TAFA1: variants seen among roughly 807,000 people sequenced by gnomAD.
TAFA1 encodes the protein TAFA chemokine like family member 1, also known as chemokine-like protein TAFA-1.
A neutral mutation model predicts 18.5 loss-of-function variants in TAFA1; 4 were observed. The observed-to-expected ratio is 0.22, with a 90% CI of 0.11 to 0.49. The LOEUF (loss-of-function observed/expected upper bound fraction) is 0.49. TAFA1 is among the 20% of genes least tolerant of loss of function. TAFA1 has a pLI of 0.98. For missense variants in TAFA1, 147 were observed against 169.0 expected (o/e 0.87, Z 0.72); for synonymous variants, 56 against 55.2 (o/e 1.01, Z -0.06).
At position 68,205,304 on chromosome 3, in the gene TAFA1, C is replaced by G. The variant is rs560654362; in HGVS notation, c.118+198560C>G. Among the ~76,000 whole-genome samples, 15 of 151,948 alleles carry G rather than the reference C, an allele frequency of 9.9e-5. No homozygotes were observed. In the East Asian group the frequency reaches 2.9e-3, roughly 30 times the overall value. ...GGTCCTGGTTATGTTCATTTCAGAA[C>G]CCCTCTTAACAGTGTCTCTTTTGCA... is the stretch of plus-strand genomic sequence containing the variant. On this transcript the variant is annotated intron_variant, in intron 2 of 4. Transcript: ENST00000478136.
chr3:68,263,629 CAA>C (rs67300246), intron 2 of TAFA1, among the ~76,000 whole-genome samples: 12,605 of 151,418 alleles, frequency 0.083, 659 homozygotes, highest in Middle Eastern at 0.12. Flanking sequence ...GCCACTTGCT[CAA>C]AGAGTTACAG....
chr3:68,424,895 A>G (rs1381998517), intron 3 of TAFA1, among the ~76,000 whole-genome samples: 3 of 151,976 alleles, frequency 2.0e-5, no homozygotes, highest in Admixed American at 6.6e-5. Flanking sequence ...ATTCCATGCA[A>G]TAGACTTGGG....
At chr3:68,072,485 G>GA (rs1235926812) in intron 2 of TAFA1, among the ~76,000 whole-genome samples, 1 of 152,200 alleles carries the variant, frequency 6.6e-6, no homozygotes, top group Non-Finnish European at 1.5e-5. Context: ...AATAAGACCA[G>GA]AGACAGGGTG....
chr3:68,389,214 A>C (rs2070172131), intron 2 of TAFA1, among the ~76,000 whole-genome samples: 1 of 152,206 alleles, frequency 6.6e-6, no homozygotes, highest in South Asian at 2.1e-4. Flanking sequence ...CTTGATTTAC[A>C]AATGATCGCA....
At chr3:68,525,788 T>G (rs1221971014) in intron 3 of TAFA1, among the ~76,000 whole-genome samples, 1 of 152,176 alleles carries the variant, frequency 6.6e-6, no homozygotes, top group African/African-American at 2.4e-5. Context: ...CCTGAAGATA[T>G]CAGTCTCCCC....
chr3:68,235,501 G>A (rs1419447482), intron 2 of TAFA1, among the ~76,000 whole-genome samples: 1 of 152,138 alleles, frequency 6.6e-6, no homozygotes, highest in East Asian at 1.9e-4. Context: ...TGCATTCCAG[G>A]TTCATACTTC....
At chr3:68,369,187 G>T (rs949289204) in intron 2 of TAFA1, among the ~76,000 whole-genome samples, 1 of 150,910 alleles carries the variant, frequency 6.6e-6, no homozygotes, top group Non-Finnish European at 1.5e-5. Context: ...GTTGGTGCAG[G>T]CACACACACA....
chr3:68,064,746 A>T (rs535081932), intron 2 of TAFA1, among the ~76,000 whole-genome samples: 1 of 151,852 alleles, frequency 6.6e-6, no homozygotes, highest in African/African-American at 2.4e-5. Flanking sequence ...TCTGCTTGAG[A>T]AGTATCCTAT....
rs1194887052 is a variant in TAFA1 at position 68,243,227 on chromosome 3, GTTAA to G, written c.119-174048_119-174045del. On this transcript the variant is annotated intron_variant, in intron 2 of 4. Coordinates refer to ENST00000478136, the MANE Select transcript of TAFA1 (RefSeq NM_213609.4). ...TACTCTTTGCACAGCCTCCTCCAGTGTTAATTAACATCATGCATAATACCAGTAT... is the reference window on the plus strand; with the variant it reads ...TACTCTTTGCACAGCCTCCTCCAGTGTTAACATCATGCATAATACCAGTAT... 9.9e-5 allele frequency among the ~76,000 whole-genome samples: 15 copies of G among 152,164 alleles called. 1 individual carries two copies. The highest frequency in any genetic ancestry group is 3.4e-4 in the African/African-American group (14 of 41,526).
chr3:68,153,896 G>A (rs980887489), intron 2 of TAFA1, among the ~76,000 whole-genome samples: 1 of 152,094 alleles, frequency 6.6e-6, no homozygotes, highest in African/African-American at 2.4e-5. Context: ...ACAAACTTAA[G>A]TGTGAGTTTC....
At chr3:68,479,895 CAA>C (rs986047159) in intron 3 of TAFA1, among the ~76,000 whole-genome samples, 7 of 151,962 alleles carry the variant, frequency 4.6e-5, no homozygotes, top group Non-Finnish European at 1.0e-4. Flanking sequence ...CACACACACA[CAA>C]ACACACACAT....
At chr3:68,340,215 T>G (rs1418015023) in intron 2 of TAFA1, among the ~76,000 whole-genome samples, 1 of 152,194 alleles carries the variant, frequency 6.6e-6, no homozygotes, top group African/African-American at 2.4e-5. Flanking sequence ...AGCCTATCAT[T>G]TGTTACCTGT....
intron 3 of TAFA1, among the ~76,000 whole-genome samples, chr3:68,506,083 T>TTC (rs2072746491): frequency 6.6e-6 from 1 of 151,654 alleles, no homozygotes; most frequent in African/African-American, 2.4e-5. Context: ...TGTTCCCCCC[T>TTC]CTGTGTCCAT....
At chr3:68,317,513 A>G (rs964740316) in intron 2 of TAFA1, among the ~76,000 whole-genome samples, 4 of 152,180 alleles carry the variant, frequency 2.6e-5, no homozygotes, top group Non-Finnish European at 5.9e-5. Context: ...GAAGTGACAC[A>G]CAACACTTCC....
At chr3:68,216,254 T>C (rs912207721) in intron 2 of TAFA1, among the ~76,000 whole-genome samples, 1 of 152,014 alleles carries the variant, frequency 6.6e-6, no homozygotes, top group Non-Finnish European at 1.5e-5. Context: ...ACAAAACGCA[T>C]TTGTCAAAAC....
chr3:68,402,761 C>A (rs1352406946), intron 2 of TAFA1, among the ~76,000 whole-genome samples: 1 of 152,132 alleles, frequency 6.6e-6, no homozygotes, highest in East Asian at 1.9e-4. Context: ...CATGCACAGG[C>A]AAAAGCTAAG....
chr3:68,093,111 A>C (rs926585518), intron 2 of TAFA1, among the ~76,000 whole-genome samples: 1 of 152,136 alleles, frequency 6.6e-6, no homozygotes, highest in Non-Finnish European at 1.5e-5. Context: ...TTAAACAAAG[A>C]AAAAAGCTTT....
At position 68,282,325 on chromosome 3, in the gene TAFA1, A is replaced by T. The variant is rs1346448585; in HGVS notation, c.119-134955A>T. 2.6e-5 allele frequency among the ~76,000 whole-genome samples: 4 copies of T among 152,152 alleles called. No individual in the cohort carries two copies. In the East Asian group the frequency reaches 7.7e-4, roughly 29 times the overall value. On this transcript the variant is annotated intron_variant, in intron 2 of 4. Transcript: ENST00000478136. ...TGATCATGGACAACAGGCATTGCAC[A>T]CTTACGACGGATCAGGCACTGTTCT...
chr3:68,088,027 A>G (rs1334846552), intron 2 of TAFA1, among the ~76,000 whole-genome samples: 1 of 152,222 alleles, frequency 6.6e-6, no homozygotes, highest in Admixed American at 6.5e-5. Context: ...ATAAATAAAT[A>G]AAACAAGATC....
Sources: allele counts gnomAD v4.1 joint callset (sites outside exome capture counted in the v4.1 genomes callset), GRCh38; gene constraint gnomAD v4.1.1; transcripts MANE v1.5; gene names NCBI Gene and HGNC (gene_info 2026-07-23, HGNC 2026-07-21).